GLYATL1: variants seen among roughly 807,000 people sequenced by gnomAD.
GLYATL1 encodes glycine-N-acyltransferase like 1, also known as glycine N-acyltransferase-like protein 1.
A neutral mutation model predicts 20.0 loss-of-function variants in GLYATL1; 15 were observed. The observed-to-expected ratio is 0.75, with a 90% CI of 0.50 to 1.15. The LOEUF (loss-of-function observed/expected upper bound fraction) is 1.15. GLYATL1 is among the 50% of genes most tolerant of loss of function. The probability of loss-of-function intolerance (pLI) is 0.00; values close to 1 mark genes in which losing one functional copy is unlikely to be tolerated. For synonymous variants in GLYATL1, 151 were observed against 131.5 expected (o/e 1.15, Z -1.01); for missense variants, 380 against 368.5 (o/e 1.03, Z -0.26).
At chr11:58,911,570 T>A (rs1855044443), downstream of GLYATL1, among the ~76,000 whole-genome samples, 1 of 152,224 alleles carries the variant, frequency 6.6e-6, no homozygotes, top group Non-Finnish European at 1.5e-5. Context: ...TGACCAATAA[T>A]TTGAGCATCT....
intron 1 of GLYATL1, among the ~76,000 whole-genome samples, chr11:58,921,796 A>G (rs1160185352): frequency 6.6e-6 from 1 of 152,194 alleles, no homozygotes. Flanking sequence ...TAGCCACTTC[A>G]ATAAGCTGAG....
chr11:58,920,810 G>T (rs1485718208), intron 1 of GLYATL1, among the ~76,000 whole-genome samples: 2 of 152,166 alleles, frequency 1.3e-5, no homozygotes, highest in African/African-American at 4.8e-5. Flanking sequence ...TTCAGTTGCT[G>T]CCATAAAGTC....
intron 1 of GLYATL1, among the ~76,000 whole-genome samples, chr11:58,918,922 C>T (rs1855243757): frequency 6.6e-6 from 1 of 152,170 alleles, no homozygotes; most frequent in Non-Finnish European, 1.5e-5. Context: ...TCTGGGTACT[C>T]CTGGCTGGTC....
chr11:58,930,579 A>G (rs531112508), intron 1 of GLYATL1, among the ~76,000 whole-genome samples: 1 of 152,244 alleles, frequency 6.6e-6, no homozygotes, highest in African/African-American at 2.4e-5. Flanking sequence ...CATTGGATTT[A>G]GCTTAGTCAA....
intron 2 of GLYATL1, 40 bp from the exon 3 acceptor site, chr11:58,947,006 T>G (rs746872557): frequency 2.1e-6 from 3 of 1,447,082 alleles, no homozygotes; most frequent in Admixed American, 3.3e-5. Flanking sequence ...TAAATTCATT[T>G]GTTTCCTTAA....
At position 58,954,102 on chromosome 11, in the gene GLYATL1, G is replaced by T. The variant is rs754663686; in HGVS notation, c.187-668G>T. ...TCCTGTAGGCTTGAGAAAAGGCAAGGTCTCGTTAGTGTTTATATTCACTAA... is the reference window on the plus strand; with the variant it reads ...TCCTGTAGGCTTGAGAAAAGGCAAGTTCTCGTTAGTGTTTATATTCACTAA... On this transcript the variant is annotated intron_variant, in intron 4 of 6. Coordinates refer to ENST00000532726, the MANE Select transcript of GLYATL1 (RefSeq NM_001389712.2). 8.5e-5 allele frequency among the ~76,000 whole-genome samples: 13 copies of T among 152,280 alleles called. No homozygotes were observed. The East Asian group carries it at 9.6e-4, about 11-fold the overall frequency.
upstream of GLYATL1, among the ~76,000 whole-genome samples, chr11:58,925,337 A>C (rs1463057665): frequency 6.6e-6 from 1 of 152,220 alleles, no homozygotes; most frequent in Non-Finnish European, 1.5e-5. Context: ...AGACTTTCAA[A>C]ACAAAAATTA....
At chr11:58,922,513 T>C (rs1301504121) in intron 1 of GLYATL1, among the ~76,000 whole-genome samples, 1 of 152,210 alleles carries the variant, frequency 6.6e-6, no homozygotes, top group Admixed American at 6.5e-5. Context: ...CCTGATGTTC[T>C]GGGCCTTCTC....
downstream of GLYATL1, among the ~76,000 whole-genome samples, chr11:58,913,062 C>G (rs550954422): frequency 7.1e-4 from 108 of 152,148 alleles, 1 homozygote; most frequent in South Asian, 7.5e-3. Flanking sequence ...GGCTTTTTGT[C>G]CAGGGCCTGA....
intron 1 of GLYATL1, among the ~76,000 whole-genome samples, chr11:58,940,019 G>A (rs1362402222): frequency 6.6e-6 from 1 of 152,190 alleles, no homozygotes; most frequent in Non-Finnish European, 1.5e-5. Flanking sequence ...GTGATTGTTT[G>A]CAAGTGTCTG....
At chr11:58,928,061 A>G (rs1317618840) in intron 1 of GLYATL1, among the ~76,000 whole-genome samples, 5 of 152,138 alleles carry the variant, frequency 3.3e-5, no homozygotes, top group South Asian at 4.1e-4. Flanking sequence ...CCGGAGCTCT[A>G]TGTCTAGCGT....
Position 58,955,249 on chromosome 11 carries a change from A to AG in GLYATL1, c.388dup (p.Ala130GlyfsTer17), listed in dbSNP as rs1343999955. 1.2e-6 allele frequency: 2 copies of AG among 1,613,978 alleles called. No individual in the cohort carries two copies. The highest frequency in any genetic ancestry group is 1.7e-6 in the Non-Finnish European group (2 of 1,179,940). ...AGTCAGTGAAAGTAGAGCATTCGAG[A>AG]GCACTCCTCTTGGTTACGGAAGATA... On this transcript the variant is annotated frameshift_variant, in exon 6 of 7. Coordinates refer to ENST00000532726, the MANE Select transcript of GLYATL1 (RefSeq NM_001389712.2). LOFTEE classifies it high-confidence loss of function.
At chr11:58,936,012 T>C (rs367930025), upstream of GLYATL1, among the ~76,000 whole-genome samples, 13 of 152,374 alleles carry the variant, frequency 8.5e-5, 1 homozygote, top group East Asian at 1.5e-3. Flanking sequence ...GTATGACTTC[T>C]ATTTCAGGTT....
intron 1 of GLYATL1, among the ~76,000 whole-genome samples, chr11:58,920,150 T>C (rs1855274013): frequency 6.6e-6 from 1 of 152,164 alleles, no homozygotes; most frequent in South Asian, 2.1e-4. Flanking sequence ...TAGCTTCTAG[T>C]GTTCCTGATT....
At chr11:58,929,954 G>T (rs1855538829) in intron 1 of GLYATL1, among the ~76,000 whole-genome samples, 1 of 152,210 alleles carries the variant, frequency 6.6e-6, no homozygotes, top group Non-Finnish European at 1.5e-5. Context: ...GTTTCTCAAG[G>T]ATCACTGTCC....
chr11:58,915,054 T>C (rs1054819012), intron 1 of GLYATL1, among the ~76,000 whole-genome samples: 3 of 152,156 alleles, frequency 2.0e-5, no homozygotes, highest in Admixed American at 6.5e-5. Flanking sequence ...CCCTTAGTCA[T>C]TTCCCCTTTA....
At chr11:58,909,440 TGATA>T (rs778192914), downstream of GLYATL1, among the ~76,000 whole-genome samples, 3 of 152,226 alleles carry the variant, frequency 2.0e-5, no homozygotes, top group African/African-American at 4.8e-5. Flanking sequence ...CTTTTGGAGG[TGATA>T]GATAGGTTGA....
intron 1 of GLYATL1, among the ~76,000 whole-genome samples, chr11:58,915,232 A>T (rs920205254): frequency 1.3e-5 from 2 of 152,236 alleles, no homozygotes; most frequent in Non-Finnish European, 2.9e-5. Flanking sequence ...GTAAGTGCAG[A>T]TTACCCAATT....
At chr11:58,917,149 G>A (rs946251680) in intron 1 of GLYATL1, 1 of 152,206 alleles carries the variant, frequency 6.6e-6, no homozygotes, top group Non-Finnish European at 1.5e-5. Context: ...TAGGAAGTGA[G>A]TGTGAATCAT....
Sources: gnomAD v4.1 joint callset for allele counts (sites outside exome capture counted in the v4.1 genomes callset) on GRCh38, gnomAD v4.1.1 for gene constraint, MANE v1.5 for transcripts, NCBI Gene and HGNC (gene_info 2026-07-23, HGNC 2026-07-21) for gene names.